Variants in NFIA observed in about 807,000 individuals in gnomAD.
NFIA encodes nuclear factor I A.
In NFIA, 8 loss-of-function variants were observed where a neutral mutation model predicts 62.8. The observed-to-expected ratio is 0.13, with a 90% CI of 0.07 to 0.23. NFIA has a LOEUF of 0.23. Ranked by LOEUF, NFIA falls within the 10% of genes least tolerant of loss-of-function variation. NFIA has a pLI of 1.00. For missense variants in NFIA, 410 were observed against 642.1 expected (o/e 0.64, Z 3.91); for synonymous variants, 235 against 238.1 (o/e 0.99, Z 0.12).
At chr1:61,393,244 CCTCTCTCT>C (rs766730638) in intron 7 of NFIA, among the ~76,000 whole-genome samples, 1,589 of 29,176 alleles carry the variant, frequency 0.054, 117 homozygotes, top group Non-Finnish European at 0.071. Flanking sequence ...TCGCCCTCTC[CCTCTCTCT>C]CTCTCTCTCT....
intron 2 of NFIA, among the ~76,000 whole-genome samples, chr1:61,120,630 A>G (rs545087332): frequency 6.6e-6 from 1 of 152,328 alleles, no homozygotes; most frequent in East Asian, 1.9e-4. Flanking sequence ...GTCCCATCTC[A>G]AAAGACATTA....
At chr1:61,379,299 A>G (rs564056550) in intron 6 of NFIA, among the ~76,000 whole-genome samples, 2 of 150,364 alleles carry the variant, frequency 1.3e-5, no homozygotes, top group East Asian at 2.0e-4. Context: ...TGGTATGATG[A>G]TAGCTTATAA....
chr1:61,343,036 C>T (rs2100413885), intron 4 of NFIA, among the ~76,000 whole-genome samples: 1 of 152,312 alleles, frequency 6.6e-6, no homozygotes, highest in Admixed American at 6.5e-5. Flanking sequence ...TAGCTCTTAG[C>T]TATTTTTCAT....
chr1:61,139,724 T>C (rs1647356078), intron 2 of NFIA, among the ~76,000 whole-genome samples: 2 of 152,086 alleles, frequency 1.3e-5, no homozygotes, highest in South Asian at 4.1e-4. Context: ...CTACCTAAAT[T>C]ACACCCCGAC....
At chr1:61,332,343 T>A (rs1557712095) in intron 3 of NFIA, among the ~76,000 whole-genome samples, 169 bp from the exon 4 acceptor site, 1 of 152,206 alleles carries the variant, frequency 6.6e-6, no homozygotes, top group African/African-American at 2.4e-5. Context: ...AAACCAAAAA[T>A]CTATCTGCTT....
At chr1:61,388,629 T>G (rs1410359932) in intron 7 of NFIA, among the ~76,000 whole-genome samples, 1 of 152,170 alleles carries the variant, frequency 6.6e-6, no homozygotes, top group Non-Finnish European at 1.5e-5. Flanking sequence ...CTTAGAGATT[T>G]AGGAACAGAG....
chr1:61,419,079 A>T (rs1666485797), intron 9 of NFIA, among the ~76,000 whole-genome samples: 1 of 152,236 alleles, frequency 6.6e-6, no homozygotes, highest in South Asian at 2.1e-4. Context: ...AATTTAAATG[A>T]ACTGAAACAA....
At chr1:61,218,887 G>T (rs1653823595) in intron 2 of NFIA, among the ~76,000 whole-genome samples, 1 of 152,162 alleles carries the variant, frequency 6.6e-6, no homozygotes, top group Non-Finnish European at 1.5e-5. Context: ...TAAAAAAGCA[G>T]CATTAACTTG....
intron 3 of NFIA, among the ~76,000 whole-genome samples, chr1:61,297,111 T>C (rs1659227578): frequency 6.6e-6 from 1 of 152,238 alleles, no homozygotes; most frequent in Non-Finnish European, 1.5e-5. Context: ...CCAGTTTAAT[T>C]CATTTTTTAC....
intron 5 of NFIA, among the ~76,000 whole-genome samples, chr1:61,353,092 A>G (rs542014471): frequency 6.6e-6 from 1 of 152,264 alleles, no homozygotes; most frequent in African/African-American, 2.4e-5. Context: ...TCATGCCCAC[A>G]GCAGACATTA....
intron 3 of NFIA, among the ~76,000 whole-genome samples, chr1:61,284,656 T>C (rs1402529739): frequency 2.0e-5 from 3 of 152,194 alleles, no homozygotes; most frequent in Non-Finnish European, 4.4e-5. Context: ...ACACAGAGAA[T>C]AACTAGCTGA....
intron 3 of NFIA, among the ~76,000 whole-genome samples, chr1:61,290,013 CTTTTT>C (rs34503737): frequency 7.1e-6 from 1 of 140,736 alleles, no homozygotes; most frequent in Non-Finnish European, 1.5e-5. Context: ...TTTTAAGTTT[CTTTTT>C]TTTTTTTTTT....
At chr1:61,243,731 A>G (rs558217225) in intron 2 of NFIA, among the ~76,000 whole-genome samples, 4 of 152,352 alleles carry the variant, frequency 2.6e-5, no homozygotes, top group African/African-American at 9.6e-5. Flanking sequence ...CTAGATTTAT[A>G]GTATAAAATG....
At chr1:61,159,164 A>G (rs1026849031) in intron 2 of NFIA, among the ~76,000 whole-genome samples, 1 of 152,202 alleles carries the variant, frequency 6.6e-6, no homozygotes, top group Non-Finnish European at 1.5e-5. Flanking sequence ...AGGTAATTTA[A>G]CCTAGTTTAA....
intron 2 of NFIA, among the ~76,000 whole-genome samples, chr1:61,203,203 G>A (rs1318308382): frequency 1.3e-5 from 2 of 152,170 alleles, no homozygotes; most frequent in East Asian, 3.8e-4. Flanking sequence ...TGAGCCACAT[G>A]TTAAAGCCTG....
At chr1:61,208,380 T>G (rs332823) in intron 2 of NFIA, among the ~76,000 whole-genome samples, 83,029 of 152,006 alleles carry the variant, frequency 0.55, 23,686 homozygotes, top group African/African-American at 0.72. Context: ...ATATGTAGTG[T>G]TTTAAGAGCA....
At chr1:61,224,518 T>C (rs1654210164) in intron 2 of NFIA, among the ~76,000 whole-genome samples, 1 of 152,166 alleles carries the variant, frequency 6.6e-6, no homozygotes, top group Non-Finnish European at 1.5e-5. Context: ...ATTATGCCCT[T>C]AGCCTTTTCT....
At chr1:61,084,502 C>T (rs1462432403) in intron 1 of NFIA, among the ~76,000 whole-genome samples, 2 of 151,880 alleles carry the variant, frequency 1.3e-5, no homozygotes, top group African/African-American at 4.8e-5. Flanking sequence ...ACTTTTCCAA[C>T]CACTTCTGGC....
chr1:61,455,054 A>G (rs1372029944), intron 10 of NFIA, among the ~76,000 whole-genome samples: 3 of 152,316 alleles, frequency 2.0e-5, no homozygotes, highest in Non-Finnish European at 4.4e-5. Context: ...GAACAGAAAT[A>G]CCTCATTCTG....
Sources: allele counts gnomAD v4.1 joint callset (sites outside exome capture counted in the v4.1 genomes callset), GRCh38; gene constraint gnomAD v4.1.1; transcripts MANE v1.5; gene names NCBI Gene and HGNC (gene_info 2026-07-23, HGNC 2026-07-21).